AFG2A: variants seen among roughly 807,000 people sequenced by gnomAD.
AFG2A encodes the protein AAA ATPase AFG2A.
chr4:122,936,342 A>G, the AFG2A span, among the ~76,000 whole-genome samples: 6,252 of 152,334 alleles, frequency 0.041, 414 homozygotes, highest in African/African-American at 0.14. Flanking sequence ...AAATATTATT[A>G]AATTACATAA....
At chr4:123,130,860 A>G in the AFG2A span, among the ~76,000 whole-genome samples, 50 of 152,170 alleles carry the variant, frequency 3.3e-4, no homozygotes, top group East Asian at 8.7e-3. Flanking sequence ...TGCCTGAACT[A>G]TATTCCCACC....
At chr4:123,034,650 A>T in the AFG2A span, among the ~76,000 whole-genome samples, 2 of 152,012 alleles carry the variant, frequency 1.3e-5, no homozygotes, top group African/African-American at 4.8e-5. Flanking sequence ...TAATATCTCA[A>T]TCTGGGTTCA....
the AFG2A span, among the ~76,000 whole-genome samples, chr4:123,184,532 C>CTTTTTTTTTTTTTTTTT: frequency 3.4e-5 from 3 of 89,280 alleles, 1 homozygote; most frequent in Non-Finnish European, 6.0e-5. Context: ...ATGATCATTT[C>CTTTTTTTTTTTTTTTTT]TTTTTTTTTT....
the AFG2A span, among the ~76,000 whole-genome samples, chr4:122,935,242 A>G: frequency 1.3e-5 from 2 of 152,104 alleles, no homozygotes; most frequent in African/African-American, 4.8e-5. Flanking sequence ...CATAAATCTT[A>G]TATATACATA....
chr4:123,273,768 A>C, the AFG2A span, among the ~76,000 whole-genome samples: 209 of 152,326 alleles, frequency 1.4e-3, 5 homozygotes, highest in South Asian at 0.018. Context: ...TATAAGATGT[A>C]GATGAAACAC....
the AFG2A span, among the ~76,000 whole-genome samples, chr4:123,191,085 C>T: frequency 1.3e-5 from 2 of 152,102 alleles, no homozygotes; most frequent in African/African-American, 2.4e-5. Flanking sequence ...CAATTACAAG[C>T]AGTTTGGCAG....
chr4:123,023,604 T>C, the AFG2A span, among the ~76,000 whole-genome samples: 1 of 150,934 alleles, frequency 6.6e-6, no homozygotes, highest in Non-Finnish European at 1.5e-5. Flanking sequence ...ATAAATTATT[T>C]ACCTTTTCCA....
chr4:122,954,113 C>T, the AFG2A span, among the ~76,000 whole-genome samples: 1 of 152,230 alleles, frequency 6.6e-6, no homozygotes, highest in Non-Finnish European at 1.5e-5. Flanking sequence ...TCTGGCCACG[C>T]TTCATTGCAG....
chr4:122,942,971 G>T, the AFG2A span, among the ~76,000 whole-genome samples: 4 of 151,766 alleles, frequency 2.6e-5, no homozygotes, highest in Non-Finnish European at 5.9e-5. Flanking sequence ...ATCCTGAGTT[G>T]TAGTTTGATT....
chr4:123,134,809 A>G, the AFG2A span, among the ~76,000 whole-genome samples: 2 of 152,144 alleles, frequency 1.3e-5, no homozygotes, highest in East Asian at 3.9e-4. Flanking sequence ...ACATGACTTT[A>G]TGGCTGAATT....
chr4:123,031,316 T>C, the AFG2A span, among the ~76,000 whole-genome samples: 1 of 152,098 alleles, frequency 6.6e-6, no homozygotes, highest in Non-Finnish European at 1.5e-5. Context: ...AACGCCCAGC[T>C]AATTTTTTGT....
chr4:123,058,166 A>C, the AFG2A span, among the ~76,000 whole-genome samples: 1 of 152,202 alleles, frequency 6.6e-6, no homozygotes, highest in Non-Finnish European at 1.5e-5. Flanking sequence ...GCTGATAAAG[A>C]CATACTCGAG....
chr4:123,215,897 T>G, the AFG2A span, among the ~76,000 whole-genome samples: 1 of 152,176 alleles, frequency 6.6e-6, no homozygotes, highest in East Asian at 1.9e-4. Context: ...GTTACAGTCT[T>G]TCTTCTTCTC....
At chr4:123,032,195 T>C in the AFG2A span, among the ~76,000 whole-genome samples, 9 of 152,144 alleles carry the variant, frequency 5.9e-5, no homozygotes, top group African/African-American at 2.2e-4. Flanking sequence ...TTTTGGGAAA[T>C]TTTCTTCTCT....
At chr4:123,313,904 G>A in the AFG2A span, 1 of 1,593,026 alleles carries the variant, frequency 6.3e-7, no homozygotes, top group East Asian at 2.3e-5. Context: ...GCTGTCTGCA[G>A]AGAGGCAGCT....
At chr4:123,253,781 A>C in the AFG2A span, among the ~76,000 whole-genome samples, 1 of 152,230 alleles carries the variant, frequency 6.6e-6, no homozygotes, top group East Asian at 1.9e-4. Flanking sequence ...CTTCTTAAGA[A>C]GCTGACAAAT....
chr4:123,161,509 G>A, the AFG2A span, among the ~76,000 whole-genome samples: 2 of 152,130 alleles, frequency 1.3e-5, no homozygotes, highest in Non-Finnish European at 2.9e-5. Context: ...AATACTCTAG[G>A]CAAGGGATAC....
At chr4:123,007,305 G>A in the AFG2A span, among the ~76,000 whole-genome samples, 5 of 151,824 alleles carry the variant, frequency 3.3e-5, no homozygotes, top group South Asian at 4.2e-4. Context: ...CTGGCTATTC[G>A]GAGGAGGCAC....
At chr4:123,118,344 TTA>T in the AFG2A span, among the ~76,000 whole-genome samples, 2 of 32,378 alleles carry the variant, frequency 6.2e-5, no homozygotes, top group Non-Finnish European at 2.4e-4. Flanking sequence ...ATATATTATA[TTA>T]TATATATTAT....
Sources: allele counts gnomAD v4.1 joint callset (sites outside exome capture counted in the v4.1 genomes callset), GRCh38; gene constraint gnomAD v4.1.1; transcripts MANE v1.5; gene names NCBI Gene and HGNC (gene_info 2026-07-23, HGNC 2026-07-21).